The following DCC variants were observed in gnomAD, a reference collection of about 807,000 sequenced individuals.
DCC encodes netrin receptor DCC.
A neutral mutation model predicts 172.5 loss-of-function variants in DCC; 58 were observed. The observed-to-expected ratio is 0.34, with a 90% CI of 0.27 to 0.42. DCC has a LOEUF of 0.42. Ranked by LOEUF, DCC falls within the 10% of genes least tolerant of loss-of-function variation. The pLI is 1.00. For missense variants in DCC, 1,740 were observed against 1,791.0 expected, an observed-to-expected ratio of 0.97 and a Z score of 0.51; for synonymous variants, 709 against 644.5, an observed-to-expected ratio of 1.10 and a Z score of -1.52.
At chr18:53,456,775 T>C (rs547986983) in intron 23 of DCC, among the ~76,000 whole-genome samples, 1 of 152,312 alleles carries the variant, frequency 6.6e-6, no homozygotes, top group South Asian at 2.1e-4. Flanking sequence ...TCGAAGAATC[T>C]AATGGTGAGA....
At chr18:53,082,821 A>T (rs755905401) in intron 7 of DCC, among the ~76,000 whole-genome samples, 1 of 151,958 alleles carries the variant, frequency 6.6e-6, no homozygotes, top group Non-Finnish European at 1.5e-5. Flanking sequence ...TAGGATTTAT[A>T]TTTATCTTCT....
Position 53,025,795 on chromosome 18 carries a change from TACACACACACACACACACAC to T in DCC, c.986-37492_986-37473del, listed in dbSNP as rs34351949. On this transcript the variant is annotated intron_variant, in intron 5 of 28. Coordinates refer to ENST00000442544, the MANE Select transcript of DCC (RefSeq NM_005215.4). ...CAGATTTAATGGGCAAAAACTATGA[TACACACACACACACACACAC>T]ACACACACACACACACATAAAACTT... 1.4e-4 allele frequency among the ~76,000 whole-genome samples: 20 copies of T among 141,604 alleles called. No homozygotes were observed. The South Asian group carries it at 4.7e-3, about 33-fold the overall frequency. 92.9% of individuals were successfully genotyped at this position (141,604 alleles called of 152,430 possible).
intron 7 of DCC, among the ~76,000 whole-genome samples, chr18:53,121,692 AGCTATTAGGT>A (rs2043486302): frequency 6.6e-6 from 1 of 151,910 alleles, no homozygotes; most frequent in Admixed American, 6.6e-5. Context: ...CTAACGGAGC[AGCTATTAGGT>A]GCTTGACACT....
intron 28 of DCC, among the ~76,000 whole-genome samples, chr18:53,527,834 A>AATT (rs1267966203): frequency 2.0e-5 from 3 of 152,152 alleles, no homozygotes; most frequent in Admixed American, 1.3e-4. Context: ...AAGCCTAAGG[A>AATT]ATTAACATAT....
intron 2 of DCC, among the ~76,000 whole-genome samples, chr18:52,761,620 A>G (rs189516810): frequency 3.0e-4 from 46 of 152,266 alleles, no homozygotes; most frequent in African/African-American, 1.1e-3. Context: ...TTTTCATTCT[A>G]TGTTATACTG....
intron 2 of DCC, among the ~76,000 whole-genome samples, chr18:52,882,452 T>C (rs916670102): frequency 1.3e-4 from 20 of 152,110 alleles, no homozygotes; most frequent in Admixed American, 1.3e-3. Context: ...GTGGTGCTTT[T>C]ACTGTATCTC....
chr18:52,454,251 G>T (rs980437498), intron 1 of DCC, among the ~76,000 whole-genome samples: 1 of 152,082 alleles, frequency 6.6e-6, no homozygotes, highest in Non-Finnish European at 1.5e-5. Context: ...AGATCATTAT[G>T]TTTCTGATTG....
At chr18:52,467,709 G>GT (rs1178844605) in intron 1 of DCC, among the ~76,000 whole-genome samples, 1 of 152,112 alleles carries the variant, frequency 6.6e-6, no homozygotes, top group Admixed American at 6.5e-5. Context: ...TCCAGCATCT[G>GT]TTGTTTACTA....
At chr18:53,143,845 C>T (rs1598845171) in intron 7 of DCC, among the ~76,000 whole-genome samples, 1 of 152,166 alleles carries the variant, frequency 6.6e-6, no homozygotes, top group Admixed American at 6.6e-5. Flanking sequence ...CTTTAAGTAG[C>T]CACAGGTGCG....
intron 12 of DCC, among the ~76,000 whole-genome samples, chr18:53,258,205 A>G (rs2056547335): frequency 1.3e-5 from 2 of 151,734 alleles, no homozygotes; most frequent in Admixed American, 1.3e-4. Context: ...TTGTGTCTCT[A>G]TTTCCTTCAG....
chr18:53,435,833 A>C (rs1328706841), intron 22 of DCC, among the ~76,000 whole-genome samples: 1 of 152,202 alleles, frequency 6.6e-6, no homozygotes, highest in African/African-American at 2.4e-5. Flanking sequence ...TGGGGGCTGC[A>C]TTCCAGGATC....
intron 1 of DCC, among the ~76,000 whole-genome samples, chr18:52,687,364 A>G (rs1026913854): frequency 6.8e-6 from 1 of 147,914 alleles, no homozygotes; most frequent in African/African-American, 2.5e-5. Context: ...AGCTCACTGC[A>G]ACCTCCACTT....
At chr18:52,655,982 G>GTATATATATATA (rs1474130053) in intron 1 of DCC, among the ~76,000 whole-genome samples, 4 of 121,620 alleles carry the variant, frequency 3.3e-5, no homozygotes, top group Non-Finnish European at 5.2e-5. Flanking sequence ...GTGTGTGTGT[G>GTATATATATATA]TGTGTATATA....
intron 12 of DCC, among the ~76,000 whole-genome samples, chr18:53,234,522 G>A (rs908201748): frequency 6.6e-6 from 1 of 152,124 alleles, no homozygotes; most frequent in African/African-American, 2.4e-5. Flanking sequence ...CCCTGGCCCA[G>A]TGTCTCACAC....
intron 1 of DCC, among the ~76,000 whole-genome samples, chr18:52,378,356 G>C (rs1985440918): frequency 6.6e-6 from 1 of 151,282 alleles, no homozygotes; most frequent in Non-Finnish European, 1.5e-5. Flanking sequence ...TTGGGAAAAT[G>C]ACATAATGTC....
chr18:52,444,064 C>T (rs146022738), intron 1 of DCC, among the ~76,000 whole-genome samples: 163 of 152,246 alleles, frequency 1.1e-3, no homozygotes, highest in African/African-American at 3.8e-3. Context: ...TCTCAAGAAC[C>T]TGGACTGACT....
chr18:52,947,245 T>TA (rs1158702787), intron 5 of DCC, among the ~76,000 whole-genome samples: 2 of 152,190 alleles, frequency 1.3e-5, no homozygotes, highest in Non-Finnish European at 2.9e-5. Flanking sequence ...CTTTAATTTG[T>TA]AAAAACTAAA....
intron 16 of DCC, among the ~76,000 whole-genome samples, chr18:53,390,773 A>G (rs539473791): frequency 1.3e-5 from 2 of 152,340 alleles, no homozygotes; most frequent in Non-Finnish European, 2.9e-5. Flanking sequence ...ATTATGGATC[A>G]AAGCATGTAT....
In DCC at chr18:52,931,703, C is replaced by A. The variant is rs1027095017; in HGVS notation, c.985+6333C>A. 5.9e-5 allele frequency: 9 copies of A among 152,048 alleles called. No individual in the cohort carries two copies. The South Asian group carries it at 1.7e-3, about 28-fold the overall frequency. The allele number at this position is 152,048 out of a possible 1,614,324, so 9.4% of individuals were successfully genotyped here. ...CTTTATTAGACAAGATTAATGACAACCTTATTTACAATAAATAAAATATAA... is the reference window on the plus strand; with the variant it reads ...CTTTATTAGACAAGATTAATGACAAACTTATTTACAATAAATAAAATATAA... On this transcript the variant is annotated intron_variant, in intron 5 of 28. Coordinates refer to ENST00000442544, the MANE Select transcript of DCC (RefSeq NM_005215.4).
Sources: allele counts gnomAD v4.1 joint callset (sites outside exome capture counted in the v4.1 genomes callset), GRCh38; gene constraint gnomAD v4.1.1; transcripts MANE v1.5; gene names NCBI Gene and HGNC (gene_info 2026-07-23, HGNC 2026-07-21).